Variants in FAM107B observed in about 807,000 individuals in gnomAD.
FAM107B encodes protein FAM107B.
Under a neutral mutation model 31.5 loss-of-function variants are expected in FAM107B, and 21 were observed. That is an observed-to-expected ratio of 0.67 (90% CI 0.47 to 0.96). The LOEUF (loss-of-function observed/expected upper bound fraction) is 0.96, where lower values mean the gene tolerates loss of function less well. Among genes scored for constraint, FAM107B ranks in the 40% least tolerant of loss-of-function variants. The probability of loss-of-function intolerance (pLI) is 0.00; values close to 1 mark genes in which losing one functional copy is unlikely to be tolerated. For synonymous variants in FAM107B, 157 were observed against 141.5 expected (o/e 1.11, Z -0.78); for missense variants, 452 against 377.1 (o/e 1.20, Z -1.64).
chr10:14,724,125 G>A (rs532176464), intron 1 of FAM107B: 31 of 540,630 alleles, frequency 5.7e-5, no homozygotes, highest in East Asian at 2.1e-4. Context: ...TGTGGGTAGC[G>A]CGGAAAGGCT....
intron 2 of FAM107B, among the ~76,000 whole-genome samples, chr10:14,539,698 G>A (rs1409893548): frequency 6.6e-6 from 1 of 152,156 alleles, no homozygotes; most frequent in Non-Finnish European, 1.5e-5. Flanking sequence ...CAGGGAAGGA[G>A]GTAAAAATGG....
At chr10:14,718,004 C>A (rs111334525) in intron 1 of FAM107B, among the ~76,000 whole-genome samples, 7 of 152,232 alleles carry the variant, frequency 4.6e-5, no homozygotes, top group African/African-American at 1.7e-4. Context: ...TGTTTTGGTT[C>A]TTGGTTCCTG....
At chr10:14,670,780 G>A (rs76849997) in intron 1 of FAM107B, among the ~76,000 whole-genome samples, 29 of 152,314 alleles carry the variant, frequency 1.9e-4, no homozygotes, top group African/African-American at 6.7e-4. Flanking sequence ...GAAGGATGTT[G>A]GAAATGCTCT....
intron 2 of FAM107B, among the ~76,000 whole-genome samples, chr10:14,601,191 C>A (rs1852385530): frequency 6.6e-6 from 1 of 152,182 alleles, no homozygotes; most frequent in Non-Finnish European, 1.5e-5. Context: ...AAAGCCTCCC[C>A]CATCAACCTT....
chr10:14,599,504 A>G (rs996413363), intron 2 of FAM107B, among the ~76,000 whole-genome samples: 2 of 152,192 alleles, frequency 1.3e-5, no homozygotes, highest in Middle Eastern at 3.2e-3. Context: ...ACGTGTGCTT[A>G]ACTCACATCC....
At chr10:14,708,939 T>C (rs1403716172) in intron 1 of FAM107B, among the ~76,000 whole-genome samples, 1 of 39,638 alleles carries the variant, frequency 2.5e-5, no homozygotes, top group East Asian at 3.9e-4. Flanking sequence ...AAAATTAGCA[T>C]ATGAAAAGAT....
At chr10:14,533,448 C>T (rs562806810) in intron 2 of FAM107B, among the ~76,000 whole-genome samples, 1 of 152,270 alleles carries the variant, frequency 6.6e-6, no homozygotes, top group African/African-American at 2.4e-5. Flanking sequence ...GAGTCTGAGA[C>T]GTCTGATCGA....
intron 1 of FAM107B, among the ~76,000 whole-genome samples, chr10:14,684,960 A>G (rs1482464172): frequency 6.6e-6 from 1 of 151,862 alleles, no homozygotes; most frequent in Non-Finnish European, 1.5e-5. Context: ...AGCTGGGACC[A>G]CAGGCGTGCA....
intron 2 of FAM107B, among the ~76,000 whole-genome samples, chr10:14,604,663 T>C (rs1048341951): frequency 1.3e-5 from 2 of 151,816 alleles, no homozygotes; most frequent in African/African-American, 2.4e-5. Context: ...ACCGGGAAAG[T>C]GGGAAGGCGG....
At chr10:14,526,196 CAG>C (rs1846208578) in intron 3 of FAM107B, among the ~76,000 whole-genome samples, 1 of 152,094 alleles carries the variant, frequency 6.6e-6, no homozygotes, top group Admixed American at 6.5e-5. Context: ...TCCGGGGGGA[CAG>C]AGTCTCGCTC....
chr10:14,685,137 C>CTT (rs1854948019), intron 1 of FAM107B, among the ~76,000 whole-genome samples: 1 of 146,408 alleles, frequency 6.8e-6, no homozygotes, highest in African/African-American at 2.5e-5. Context: ...CAATAACATC[C>CTT]TTTTATTTTT....
chr10:14,761,786 G>T (rs112984133), intron 1 of FAM107B, among the ~76,000 whole-genome samples: 12 of 151,754 alleles, frequency 7.9e-5, no homozygotes, highest in Non-Finnish European at 1.6e-4. Flanking sequence ...TTAGTAGAGG[G>T]GGGGGTTTCA....
intron 2 of FAM107B, among the ~76,000 whole-genome samples, chr10:14,533,329 A>C (rs900020198): frequency 2.0e-5 from 3 of 152,154 alleles, no homozygotes; most frequent in Non-Finnish European, 2.9e-5. Context: ...ACGAGGCGTG[A>C]AAAGCACTGA....
chr10:14,544,251 T>C (rs796090841), intron 2 of FAM107B, among the ~76,000 whole-genome samples: 29 of 152,292 alleles, frequency 1.9e-4, no homozygotes, highest in African/African-American at 6.3e-4. Context: ...CCATACCGTA[T>C]ACGATAAATA....
At chr10:14,680,808 C>A (rs1264421841) in intron 1 of FAM107B, among the ~76,000 whole-genome samples, 1 of 152,168 alleles carries the variant, frequency 6.6e-6, no homozygotes, top group African/African-American at 2.4e-5. Flanking sequence ...TTGGCTGAAG[C>A]CTTCATCAAG....
At chr10:14,561,225 G>A (rs551315062) in intron 2 of FAM107B, among the ~76,000 whole-genome samples, 5 of 152,244 alleles carry the variant, frequency 3.3e-5, no homozygotes, top group Admixed American at 1.3e-4. Context: ...TAGCAGCAAA[G>A]GACACAAAGC....
In FAM107B at chr10:14,691,051, T is replaced by C. The variant is rs962411252; in HGVS notation, c.412-23360A>G. On this transcript the variant is annotated intron_variant, in intron 1 of 4. Coordinates refer to ENST00000181796, the MANE Select transcript of FAM107B (RefSeq NM_031453.4). ...TCCTTGTTATGATCAGGCTTATTTT[T>C]AGAGACATGGGCTAGCTTCCGTCAC... is the stretch of plus-strand genomic sequence containing the variant. 2.0e-5 allele frequency among the ~76,000 whole-genome samples: 3 copies of C among 152,116 alleles called. No homozygotes were observed. The South Asian group carries it at 6.2e-4, about 32-fold the overall frequency.
At chr10:14,553,682 G>A (rs555243325) in intron 2 of FAM107B, among the ~76,000 whole-genome samples, 2 of 152,310 alleles carry the variant, frequency 1.3e-5, no homozygotes, top group African/African-American at 4.8e-5. Flanking sequence ...CGCAGAAGGA[G>A]CCCAAGCTTT....
At chr10:14,662,838 G>A (rs1854282199) in intron 2 of FAM107B, among the ~76,000 whole-genome samples, 1 of 152,196 alleles carries the variant, frequency 6.6e-6, no homozygotes, top group South Asian at 2.1e-4. Flanking sequence ...TTGGATTGAA[G>A]GATGCAAAGT....
Sources: allele counts gnomAD v4.1 joint callset (sites outside exome capture counted in the v4.1 genomes callset), GRCh38; gene constraint gnomAD v4.1.1; transcripts MANE v1.5; gene names NCBI Gene and HGNC (gene_info 2026-07-23, HGNC 2026-07-21).